LIPM: variants seen among roughly 807,000 people sequenced by gnomAD.
LIPM encodes lipase member M.
LIPM carries 42 observed loss-of-function variants against 42.4 expected under a neutral mutation model. The observed-to-expected ratio is 0.99, with a 90% CI of 0.77 to 1.28. The LOEUF (loss-of-function observed/expected upper bound fraction) is 1.28, where lower values mean the gene tolerates loss of function less well. LIPM is among the 50% of genes most tolerant of loss of function. LIPM has a pLI of 0.00. For missense variants in LIPM, 524 were observed against 520.1 expected, an observed-to-expected ratio of 1.01 and a Z score of -0.07; for synonymous variants, 177 against 173.3, an observed-to-expected ratio of 1.02 and a Z score of -0.17.
intron 1 of LIPM, 80 bp from the exon 2 acceptor site, chr10:88,808,218 G>T (rs1843611426): frequency 1.3e-6 from 1 of 777,710 alleles, no homozygotes; most frequent in Non-Finnish European, 2.2e-6. Context: ...ACAGCATCAA[G>T]GAATCTACTC....
At chr10:88,808,501 G>A (rs1377310889) in intron 2 of LIPM, 86 bp downstream of exon 2, 1 of 787,512 alleles carries the variant, frequency 1.3e-6, no homozygotes, top group Non-Finnish European at 2.1e-6. Flanking sequence ...AGAGAGCCTG[G>A]GTTCTTAGTG....
At chr10:88,815,006 A>C in intron 4 of LIPM, 82 bp from the exon 5 acceptor site, 3 of 1,258,032 alleles carry the variant, frequency 2.4e-6, no homozygotes, top group Non-Finnish European at 3.2e-6. Flanking sequence ...ACTTATTGAA[A>C]TATGTATTTA....
At chr10:88,803,596 C>T (rs1843552882) in intron 1 of LIPM, among the ~76,000 whole-genome samples, 1 of 146,714 alleles carries the variant, frequency 6.8e-6, no homozygotes, top group African/African-American at 2.5e-5. Context: ...AATGACAGTA[C>T]ATCTCTTTAG....
intron 7 of LIPM, 65 bp downstream of exon 7, chr10:88,816,952 G>A: frequency 1.7e-6 from 2 of 1,199,296 alleles, no homozygotes; most frequent in Non-Finnish European, 2.4e-6. Context: ...AATAGTCAAA[G>A]GACACCATTT....
At chr10:88,813,512 G>A in intron 3 of LIPM, among the ~76,000 whole-genome samples, 1 of 152,098 alleles carries the variant, frequency 6.6e-6, no homozygotes, top group East Asian at 1.9e-4. Context: ...AGCTAATAGG[G>A]TGAGAATGGT....
At chr10:88,804,290 T>C (rs1219192334) in intron 1 of LIPM, among the ~76,000 whole-genome samples, 1 of 152,162 alleles carries the variant, frequency 6.6e-6, no homozygotes, top group Non-Finnish European at 1.5e-5. Flanking sequence ...CAGACAGAGA[T>C]GATCTTCCTG....
chr10:88,820,503 G>A lies in LIPM; in HGVS notation c.*2G>A. The A allele has an allele frequency of 6.5e-7, 1 of 1,549,306 alleles. No homozygotes were observed. The highest frequency in any genetic ancestry group is 1.2e-5 in the South Asian group (1 of 83,924). On this transcript the variant is annotated 3_prime_UTR_variant, in exon 9 of 9. Coordinates refer to ENST00000404743, the MANE Select transcript of LIPM (RefSeq NM_001128215.1). ...GGACGGTGTGAGGCCGTATTGTGAAGCATCTGACACTGACGATCTTAGGAC... is the reference window on the plus strand; with the variant it reads ...GGACGGTGTGAGGCCGTATTGTGAAACATCTGACACTGACGATCTTAGGAC...
chr10:88,807,280 T>C (rs901187882), intron 1 of LIPM, among the ~76,000 whole-genome samples: 2 of 152,182 alleles, frequency 1.3e-5, no homozygotes, highest in Admixed American at 1.3e-4. Flanking sequence ...ATACAGCTAG[T>C]TTATGTAATA....
intron 2 of LIPM, among the ~76,000 whole-genome samples, chr10:88,810,029 C>T (rs1843635158): frequency 6.6e-6 from 1 of 152,142 alleles, no homozygotes; most frequent in African/African-American, 2.4e-5. Flanking sequence ...CCATATAGCA[C>T]TTACCATCAC....
intron 7 of LIPM, 52 bp from the exon 8 acceptor site, chr10:88,817,773 C>T (rs377325124): frequency 1.6e-5 from 20 of 1,279,664 alleles, no homozygotes; most frequent in Admixed American, 7.9e-5. Context: ...CACCCCACCA[C>T]GCTTATCCAC....
intron 1 of LIPM, among the ~76,000 whole-genome samples, chr10:88,804,261 A>T (rs1173255668): frequency 1.3e-5 from 2 of 152,076 alleles, no homozygotes; most frequent in African/African-American, 4.8e-5. Context: ...TTTGGAGGTG[A>T]GGGGAATCTC....
chr10:88,808,497 C>T, intron 2 of LIPM, 82 bp downstream of exon 2: 1 of 842,412 alleles, frequency 1.2e-6, no homozygotes, highest in East Asian at 2.7e-5. Flanking sequence ...TAGAAGAGAG[C>T]CTGGGTTCTT....
intron 1 of LIPM, chr10:88,806,075 C>T (rs577681846): frequency 6.9e-5 from 31 of 450,024 alleles, no homozygotes; most frequent in South Asian, 4.1e-4. Context: ...TAAGGCCATT[C>T]CTACAGAAAA....
At chr10:88,814,057 G>A (rs1365803241) in intron 3 of LIPM, among the ~76,000 whole-genome samples, 2 of 152,050 alleles carry the variant, frequency 1.3e-5, no homozygotes, top group African/African-American at 4.8e-5. Flanking sequence ...ATCACCTAGG[G>A]ACCATCGATT....
At chr10:88,815,289 C>T (rs151149351) in intron 5 of LIPM, 65 bp downstream of exon 5, 8 of 1,547,308 alleles carry the variant, frequency 5.2e-6, no homozygotes, top group Non-Finnish European at 7.0e-6. Flanking sequence ...TTTCCTAAAA[C>T]ATAAACTTTT....
chr10:88,809,707 C>T (rs74147293), intron 2 of LIPM, among the ~76,000 whole-genome samples: 236 of 152,316 alleles, frequency 1.5e-3, no homozygotes, highest in African/African-American at 5.3e-3. Flanking sequence ...TGGACAAATG[C>T]TATTGGGCTT....
chr10:88,815,530 G>C (rs1162080538), intron 6 of LIPM, 27 bp downstream of exon 6: 2 of 1,546,988 alleles, frequency 1.3e-6, no homozygotes, highest in Non-Finnish European at 1.7e-6. Context: ...TAAATTCCCA[G>C]CATCCCAGCA....
chr10:88,811,791 G>A (rs1420221319), intron 2 of LIPM, among the ~76,000 whole-genome samples: 6 of 152,004 alleles, frequency 3.9e-5, no homozygotes, highest in Admixed American at 2.6e-4. Flanking sequence ...AACCTTTGAT[G>A]GTAAATTTGA....
intron 2 of LIPM, among the ~76,000 whole-genome samples, chr10:88,808,625 G>A (rs886683005): frequency 1.3e-5 from 2 of 152,124 alleles, no homozygotes; most frequent in African/African-American, 4.8e-5. Context: ...AACATACAGT[G>A]TTTGCTTTTC....
Sources: gnomAD v4.1 joint callset for allele counts (sites outside exome capture counted in the v4.1 genomes callset) on GRCh38, gnomAD v4.1.1 for gene constraint, MANE v1.5 for transcripts, NCBI Gene and HGNC (gene_info 2026-07-23, HGNC 2026-07-21) for gene names.